The following DSE variants were observed in gnomAD, a reference collection of about 807,000 sequenced individuals.
DSE encodes the protein dermatan sulfate epimerase.
Under a neutral mutation model 84.4 loss-of-function variants are expected in DSE, and 36 were observed. The observed-to-expected ratio is 0.43, with a 90% CI of 0.33 to 0.56. The LOEUF (loss-of-function observed/expected upper bound fraction) is 0.56. Ranked by LOEUF, DSE falls within the 20% of genes least tolerant of loss-of-function variation. DSE has a pLI of 0.06. For synonymous variants in DSE, 410 were observed against 430.1 expected, an observed-to-expected ratio of 0.95 and a Z score of 0.58; for missense variants, 862 against 1,169.6, an observed-to-expected ratio of 0.74 and a Z score of 3.84.
rs1223987813 is a variant in DSE at position 116,398,866 on chromosome 6, TA to T, written c.-53-325del. 1.2e-4 allele frequency among the ~76,000 whole-genome samples: 18 copies of T among 152,244 alleles called. No individual in the cohort carries two copies. The South Asian group carries it at 2.7e-3, about 23-fold the overall frequency. ...TTATTGTGGTTTATGTATTAATGTC[TA>T]AAAAAATATACCATGTGATGTTTTT... On this transcript the variant is annotated intron_variant, in intron 1 of 5. Transcript: ENST00000644252.
At chr6:116,430,911 T>G in intron 3 of DSE, 43 bp from the exon 4 acceptor site, 1 of 1,601,600 alleles carries the variant, frequency 6.2e-7, no homozygotes, top group South Asian at 1.1e-5. Flanking sequence ...TTATGCTTTG[T>G]CACAGGCTTT....
chr6:116,363,700 G>C (rs1410045780), intron 2 of DSE, among the ~76,000 whole-genome samples: 1 of 152,084 alleles, frequency 6.6e-6, no homozygotes, highest in African/African-American at 2.4e-5. Context: ...TCATATATCG[G>C]GGAGAAATTA....
At chr6:116,261,135 T>C (rs1262904329) in intron 2 of DSE, among the ~76,000 whole-genome samples, 2 of 152,116 alleles carry the variant, frequency 1.3e-5, no homozygotes, top group South Asian at 2.1e-4. Context: ...TTTTCCTTTA[T>C]GCATCTCCGA....
chr6:116,351,473 C>T (rs981908446), intron 2 of DSE, among the ~76,000 whole-genome samples: 1 of 152,062 alleles, frequency 6.6e-6, no homozygotes, highest in African/African-American at 2.4e-5. Context: ...CCCTAGGAAC[C>T]ATCTTTATAG....
intron 2 of DSE, among the ~76,000 whole-genome samples, chr6:116,300,691 C>G (rs796551991): frequency 1.8e-4 from 28 of 152,324 alleles, no homozygotes; most frequent in African/African-American, 6.3e-4. Context: ...TCCTTCCCCC[C>G]TTTCTTTCAC....
At chr6:116,419,090 A>G (rs908908708) in intron 2 of DSE, among the ~76,000 whole-genome samples, 1 of 152,196 alleles carries the variant, frequency 6.6e-6, no homozygotes, top group African/African-American at 2.4e-5. Context: ...GCCAGGCCAG[A>G]GATTAGCTGA....
intron 2 of DSE, among the ~76,000 whole-genome samples, chr6:116,308,668 C>A (rs527898980): frequency 5.3e-5 from 8 of 151,962 alleles, no homozygotes; most frequent in Non-Finnish European, 7.4e-5. Flanking sequence ...TCTTTTGTTG[C>A]ATTTTTTTGT....
rs182403581 is a variant in DSE, at chr6:116,359,646, C to T, written c.-53-39552C>T. Among the ~76,000 whole-genome samples, 67 of 152,262 alleles carry T rather than the reference C, an allele frequency of 4.4e-4. 1 individual carries two copies. The East Asian group carries it at 0.012, about 27-fold the overall frequency. On this transcript the variant is annotated intron_variant, in intron 2 of 3. Transcript: ENST00000430252. The stretch of plus-strand genomic sequence containing the variant: ...AATAAAAGTTAGTATTATTCTTTCA[C>T]ACTCAGAATAAAAACTGTAATACAG...
chr6:116,288,991 T>A lies in DSE; in HGVS notation c.-54+30024T>A, dbSNP rs574610467. ...TATATAAGTAGAAGTACTTATCCAC[T>A]GGCTCACATAACATAAAAAGGATAA... On this transcript the variant is annotated intron_variant, in intron 2 of 3. Coordinates refer to the DSE transcript ENST00000430252. Among the ~76,000 whole-genome samples, 9 of 152,204 alleles carry A rather than the reference T, an allele frequency of 5.9e-5. No homozygotes were observed. The South Asian group carries it at 1.9e-3, about 32-fold the overall frequency.
At chr6:116,357,535 A>G (rs1280315943) in intron 2 of DSE, among the ~76,000 whole-genome samples, 1 of 152,130 alleles carries the variant, frequency 6.6e-6, no homozygotes, top group Non-Finnish European at 1.5e-5. Context: ...CCATCTCAAA[A>G]AAAAAAAAAA....
At chr6:116,387,145 A>G (rs775025207) in intron 1 of DSE, among the ~76,000 whole-genome samples, 1 of 152,198 alleles carries the variant, frequency 6.6e-6, no homozygotes, top group Non-Finnish European at 1.5e-5. Context: ...AAAGGGCTAG[A>G]GGAACAGAGA....
intron 2 of DSE, among the ~76,000 whole-genome samples, chr6:116,349,847 T>C (rs546952726): frequency 6.6e-6 from 1 of 152,348 alleles, no homozygotes; most frequent in Non-Finnish European, 1.5e-5. Context: ...TCTCAGGTTG[T>C]ATGCCTTTGG....
At chr6:116,258,951 C>T in exon 2 of DSE, 1 of 1,515,734 alleles carries the variant, frequency 6.6e-7, no homozygotes, top group Non-Finnish European at 9.2e-7. Context: ...TGGCGGCATA[C>T]CACCCTGCAC....
At chr6:116,370,063 T>C, upstream of DSE, 1 of 820,646 alleles carries the variant, frequency 1.2e-6, no homozygotes, top group African/African-American at 1.8e-5. Context: ...CCTTGGGGCC[T>C]GGTTGGACCT....
intron 2 of DSE, among the ~76,000 whole-genome samples, chr6:116,331,994 G>C (rs1411200430): frequency 6.6e-6 from 1 of 150,666 alleles, no homozygotes; most frequent in Non-Finnish European, 1.5e-5. Context: ...TATTTGCTAA[G>C]ACTATATATA....
rs1778429021 is a variant in DSE, at chr6:116,353,551, A to G, written c.-53-45647A>G. On this transcript the variant is annotated intron_variant, in intron 2 of 3. Coordinates refer to the DSE transcript ENST00000430252. ...CTACCATTGAGCATTTACACTTCCTAGCATTGTGTCCAACACTTTACATTC... is the reference window on the plus strand; with the variant it reads ...CTACCATTGAGCATTTACACTTCCTGGCATTGTGTCCAACACTTTACATTC... Among the ~76,000 whole-genome samples, 3 of 152,186 alleles carry G rather than the reference A, an allele frequency of 2.0e-5. No individual in the cohort carries two copies. The South Asian group carries it at 6.2e-4, about 32-fold the overall frequency.
intron 2 of DSE, among the ~76,000 whole-genome samples, chr6:116,272,827 T>C (rs556616713): frequency 6.6e-6 from 1 of 152,288 alleles, no homozygotes; most frequent in South Asian, 2.1e-4. Context: ...AAATGAGAAA[T>C]TAAAATTGAG....
rs1384349870 is a variant in DSE, at chr6:116,269,566, T to C, written c.-54+10599T>C. Among the ~76,000 whole-genome samples, 5 of 152,166 alleles carry C rather than the reference T, an allele frequency of 3.3e-5. No individual in the cohort carries two copies. The East Asian group carries it at 9.6e-4, about 29-fold the overall frequency. On this transcript the variant is annotated intron_variant, in intron 2 of 3. Coordinates refer to the DSE transcript ENST00000430252. ...CCATTTGAATAATCTGAGGAAGTCA[T>C]GAAACACTAGCACATAGTAATAATG... is the stretch of plus-strand genomic sequence containing the variant.
chr6:116,398,257 A>AT (rs1562281217), intron 1 of DSE, among the ~76,000 whole-genome samples: 4 of 151,766 alleles, frequency 2.6e-5, no homozygotes, highest in South Asian at 2.1e-4. Context: ...ATTTTATTTT[A>AT]TTTTTTTTAG....
Sources: gnomAD v4.1 joint callset for allele counts (sites outside exome capture counted in the v4.1 genomes callset) on GRCh38, gnomAD v4.1.1 for gene constraint, MANE v1.5 for transcripts, NCBI Gene and HGNC (gene_info 2026-07-23, HGNC 2026-07-21) for gene names.